The following TSTD1 variants were observed in gnomAD, a reference collection of about 807,000 sequenced individuals.
The protein encoded by TSTD1 is thiosulfate:glutathione sulfurtransferase.
A neutral mutation model predicts 12.6 loss-of-function variants in TSTD1; 7 were observed. The ratio of observed to expected loss-of-function variants is 0.55; its 90% CI spans 0.32 to 1.04. The LOEUF (loss-of-function observed/expected upper bound fraction) is 1.04. Among genes scored for constraint, TSTD1 ranks in the 50% least tolerant of loss-of-function variants. The pLI, the probability that TSTD1 is intolerant of heterozygous loss-of-function variation, is 0.05. For synonymous variants in TSTD1, 73 were observed against 59.7 expected (o/e 1.22, Z -1.03); for missense variants, 156 against 151.0 (o/e 1.03, Z -0.17).
In TSTD1 at chr1:161,037,939, C is replaced by G. The variant is rs777438010; in HGVS notation, c.270G>C (p.Gln90His). The change falls in exon 3 of 4, where the codon CAG becomes CAC. Residue 90 changes from glutamine (Q) to histidine (H), a missense_variant. Coordinates refer to ENST00000423014, the MANE Select transcript of TSTD1 (RefSeq NM_001113207.2). The part of the protein sequence containing the change: ...QMGKRGLQAT[Q>H]LARSLGYTGA... Reference sequence around the variant, plus strand: ...CAGTGTATCCAAGACTCCGGGCCAGCTGCGTGGCCTGGAGGCCCCGCTTGC... The same window carrying G: ...CAGTGTATCCAAGACTCCGGGCCAGGTGCGTGGCCTGGAGGCCCCGCTTGC... The G allele has an allele frequency of 8.4e-6, 13 of 1,551,876 alleles. No individual in the cohort carries two copies. The highest frequency in any genetic ancestry group is 7.0e-6 in the Non-Finnish European group (8 of 1,147,034).
At position 161,038,051 on chromosome 1, in the gene TSTD1, T is replaced by A. The variant is rs377413457; in HGVS notation, c.158A>T (p.Gln53Leu). The change falls in exon 3 of 4, where the codon CAG (glutamine) becomes CTG (leucine). Residue 53 changes from glutamine (Q) to leucine (L), a missense_variant. By Grantham distance (113) the Gln-to-Leu change is moderately radical. Transcript: ENST00000423014. ...AGCCTGGAAGGCAGCTGGCTCCATC[T>A]GCAGAGCACTCTCCAACTCGGACAC... ...IPVSELESAL[Q>L]MEPAAFQALY... 1.3e-6 allele frequency: 2 copies of A among 1,551,618 alleles called. No homozygotes were observed. Among genetic ancestry groups the A allele is most frequent in the Non-Finnish European group, 1.7e-6 (2 of 1,147,012 alleles).
At position 161,038,563 on chromosome 1, in the gene TSTD1, G is replaced by A. The variant is rs761115280; in HGVS notation, c.121C>T (p.Leu41Phe). 41 of 1,542,664 alleles carry A rather than the reference G, an allele frequency of 2.7e-5. No homozygotes were observed. Among genetic ancestry groups the A allele is most frequent in the Non-Finnish European group, 3.5e-5 (40 of 1,140,142 alleles). Residue 41 changes from leucine (L) to phenylalanine (F), a missense_variant, in exon 2 of 4, where the codon CTC becomes TTC. Leu to Phe is a conservative substitution (Grantham distance 22). Transcript: ENST00000423014. ...CTCCACCCTATACCCGGGATGTTGA[G>A]CGCCCCTGGGATGGTCCCAGCTGCC... ...EAAAGTIPGA[L>F]NIPVSELESA...
chr1:161,038,175 A>C (rs543413007), intron 2 of TSTD1, 100 bp from the exon 3 acceptor site: 30 of 1,176,320 alleles, frequency 2.6e-5, no homozygotes, highest in Non-Finnish European at 3.3e-5. Context: ...CCCAAACAAC[A>C]TATGATAACC....
In TSTD1 at chr1:161,038,905, C is replaced by T. The variant is rs745611458; in HGVS notation, c.-16G>A. Reference sequence around the variant, plus strand: ...CTCCAGCCATGGTGCGCGTAGCAACCGCGAGTCTCCGGAGTGCGGCCCTGG... The same window carrying T: ...CTCCAGCCATGGTGCGCGTAGCAACTGCGAGTCTCCGGAGTGCGGCCCTGG... On this transcript the variant is annotated 5_prime_UTR_variant, in exon 1 of 4. Coordinates refer to ENST00000423014, the MANE Select transcript of TSTD1 (RefSeq NM_001113207.2). The T allele has an allele frequency of 5.8e-6, 9 of 1,550,762 alleles. No homozygotes were observed. The South Asian group carries it at 1.1e-4, about 18-fold the overall frequency.
Position 161,038,546 on chromosome 1 carries a change from T to G in TSTD1, c.133+5A>C. Reference sequence around the variant, plus strand: ...CCACCTGGGCGTCCCCTCTCCACCCTATACCCGGGATGTTGAGCGCCCCTG... The same window carrying G: ...CCACCTGGGCGTCCCCTCTCCACCCGATACCCGGGATGTTGAGCGCCCCTG... On this transcript the variant is annotated splice_donor_5th_base_variant and intron_variant, in intron 2 of 3. Transcript: ENST00000423014. 1 of 1,539,352 alleles carries G rather than the reference T, an allele frequency of 6.5e-7. No individual in the cohort carries two copies. The highest frequency in any genetic ancestry group is 1.2e-5 in the South Asian group (1 of 83,594).
chr1:161,038,528 G>T, intron 2 of TSTD1, 23 bp downstream of exon 2: 2 of 1,519,186 alleles, frequency 1.3e-6, no homozygotes, highest in African/African-American at 2.8e-5. Flanking sequence ...CCACCACCTG[G>T]GCGTCCCCTC....
chr1:161,038,920 T>A lies in TSTD1; in HGVS notation c.-31A>T. Reference sequence around the variant, plus strand: ...GCGTAGCAACCGCGAGTCTCCGGAGTGCGGCCCTGGCCCGCCCTCTCGGCG... The same window carrying A: ...GCGTAGCAACCGCGAGTCTCCGGAGAGCGGCCCTGGCCCGCCCTCTCGGCG... On this transcript the variant is annotated 5_prime_UTR_variant, in exon 1 of 4. Coordinates refer to ENST00000423014, the MANE Select transcript of TSTD1 (RefSeq NM_001113207.2). 6.4e-7 allele frequency: 1 copy of A among 1,550,454 alleles called. No individual in the cohort carries two copies.
chr1:161,038,916 G>C lies in TSTD1; in HGVS notation c.-27C>G, dbSNP rs932886444. On this transcript the variant is annotated 5_prime_UTR_variant, in exon 1 of 4. Transcript: ENST00000423014. ...GTGCGCGTAGCAACCGCGAGTCTCC[G>C]GAGTGCGGCCCTGGCCCGCCCTCTC... The C allele has an allele frequency of 1.9e-6, 3 of 1,550,532 alleles. No homozygotes were observed. The African/African-American group carries it at 4.1e-5, about 21-fold the overall frequency.
chr1:161,038,630 G>A lies in TSTD1; in HGVS notation c.54C>T (p.Ser18=), dbSNP rs1161102212. Residue 18 remains serine (S), a synonymous_variant, in exon 2 of 4, where the codon TCC becomes TCT. Coordinates refer to ENST00000423014, the MANE Select transcript of TSTD1 (RefSeq NM_001113207.2). ...GCACGTCGAAGAGCCGGGCCCGTCC[G>A]GAGGCTAGGAGTGAACGGAGTTCAG... ...SLPELRSLLA[S]GRARLFDVRS... is the part of the protein sequence containing the mutation. The A allele has an allele frequency of 1.4e-5, 22 of 1,550,454 alleles. No homozygotes were observed. Among genetic ancestry groups the A allele is most frequent in the Middle Eastern group, 1.7e-4 (1 of 5,986 alleles).
At chr1:161,038,459 T>C (rs1571040515) in intron 2 of TSTD1, 92 bp downstream of exon 2, 2 of 1,397,804 alleles carry the variant, frequency 1.4e-6, no homozygotes, top group African/African-American at 2.9e-5. Flanking sequence ...ATCAGTGCCT[T>C]CCCCATTCCA....
intron 1 of TSTD1, 42 bp downstream of exon 1, chr1:161,038,838 A>G: frequency 6.5e-7 from 1 of 1,547,252 alleles, no homozygotes; most frequent in Non-Finnish European, 8.7e-7. Context: ...CTCAACCCAG[A>G]GGACCAAGAG....
At chr1:161,038,754 C>T (rs1283913665) in intron 1 of TSTD1, 81 bp from the exon 2 acceptor site, 9 of 1,519,438 alleles carry the variant, frequency 5.9e-6, no homozygotes, top group Middle Eastern at 1.7e-4. Flanking sequence ...CCTGGCAGCG[C>T]CCCTCCCGGT....
chr1:161,038,669 G>C lies in TSTD1; in HGVS notation c.15C>G (p.Pro5=), dbSNP rs1365077480. The C allele has an allele frequency of 5.8e-6, 9 of 1,543,126 alleles. No individual in the cohort carries two copies. The highest frequency in any genetic ancestry group is 7.9e-6 in the Non-Finnish European group (9 of 1,139,964). The change falls in exon 2 of 4, where the codon CCC becomes CCG. Residue 5 remains proline (P), a synonymous_variant. Coordinates refer to ENST00000423014, the MANE Select transcript of TSTD1 (RefSeq NM_001113207.2). MAGA[P]TVSLPELRSL... ...AACGGAGTTCAGGAAGCGAGACCGT[G>C]GGCGCTGAGGAAGGGGCGCGACAGC...
At position 161,038,906 on chromosome 1, in the gene TSTD1, G is replaced by T. The variant is rs573681763; in HGVS notation, c.-17C>A. On this transcript the variant is annotated 5_prime_UTR_variant, in exon 1 of 4. Coordinates refer to ENST00000423014, the MANE Select transcript of TSTD1 (RefSeq NM_001113207.2). ...TCCAGCCATGGTGCGCGTAGCAACCGCGAGTCTCCGGAGTGCGGCCCTGGC... is the reference window on the plus strand; with the variant it reads ...TCCAGCCATGGTGCGCGTAGCAACCTCGAGTCTCCGGAGTGCGGCCCTGGC... The T allele has an allele frequency of 4.6e-5, 71 of 1,550,692 alleles. No homozygotes were observed. Among genetic ancestry groups the T allele is most frequent in the Middle Eastern group, 3.3e-4 (2 of 5,984 alleles).
At chr1:161,038,200 C>A in intron 2 of TSTD1, 125 bp from the exon 3 acceptor site, 1 of 941,630 alleles carries the variant, frequency 1.1e-6, no homozygotes, top group Non-Finnish European at 1.5e-6. Flanking sequence ...CCTACCCCCA[C>A]CCCAATTTCA....
intron 2 of TSTD1, 75 bp downstream of exon 2, chr1:161,038,476 A>C: frequency 6.9e-7 from 1 of 1,445,402 alleles, no homozygotes; most frequent in South Asian, 1.4e-5. Context: ...TCCATCCTAA[A>C]TGAGGTCCCA....
chr1:161,038,014 A>G lies in TSTD1; in HGVS notation c.195T>C (p.Ala65=). Residue 65 remains alanine (A), a synonymous_variant, in exon 3 of 4, where the codon GCT becomes GCC. Transcript: ENST00000423014. ...GCTCATCTTCCAGCTTTGGCTTCTCAGCAGAATATAAAGCCTGGAAGGCAG... is the reference window on the plus strand; with the variant it reads ...GCTCATCTTCCAGCTTTGGCTTCTCGGCAGAATATAAAGCCTGGAAGGCAG... The part of the protein sequence containing the change: ...EPAAFQALYS[A]EKPKLEDEHL... 2 of 1,551,706 alleles carry G rather than the reference A, an allele frequency of 1.3e-6. No individual in the cohort carries two copies. Among genetic ancestry groups the G allele is most frequent in the Non-Finnish European group, 1.7e-6 (2 of 1,146,978 alleles).
At position 161,038,548 on chromosome 1, in the gene TSTD1, T is replaced by C; in HGVS notation, c.133+3A>G. Reference sequence around the variant, plus strand: ...ACCTGGGCGTCCCCTCTCCACCCTATACCCGGGATGTTGAGCGCCCCTGGG... The same window carrying C: ...ACCTGGGCGTCCCCTCTCCACCCTACACCCGGGATGTTGAGCGCCCCTGGG... On this transcript the variant is annotated splice_donor_region_variant and intron_variant, in intron 2 of 3. Transcript: ENST00000423014. The C allele has an allele frequency of 6.5e-7, 1 of 1,540,146 alleles. No individual in the cohort carries two copies. Among genetic ancestry groups the C allele is most frequent in the Non-Finnish European group, 8.8e-7 (1 of 1,138,192 alleles).
At chr1:161,038,131 A>G in intron 2 of TSTD1, 56 bp from the exon 3 acceptor site, 1 of 1,526,456 alleles carries the variant, frequency 6.6e-7, no homozygotes, top group Non-Finnish European at 8.8e-7. Context: ...TCAGGTTCGG[A>G]AGCTGGGCCT....
Sources: allele counts gnomAD v4.1 joint callset, GRCh38; gene constraint gnomAD v4.1.1; transcripts MANE v1.5; gene names NCBI Gene and HGNC (gene_info 2026-07-23, HGNC 2026-07-21).